The following MIB1 variants were observed in gnomAD, a reference collection of about 807,000 sequenced individuals.
The protein encoded by MIB1 is E3 ubiquitin-protein ligase MIB1.
In MIB1, 278 loss-of-function variants were observed where a neutral mutation model predicts 124.5. That is an observed-to-expected ratio of 2.23 (90% CI 2.02 to 2.47). MIB1 has a LOEUF of 2.47. MIB1 is among the 30% of genes most tolerant of loss of function. MIB1 has a pLI of 0.00. For missense variants in MIB1, 957 were observed against 1,254.4 expected, an observed-to-expected ratio of 0.76 and a Z score of 3.58; for synonymous variants, 446 against 429.4, an observed-to-expected ratio of 1.04 and a Z score of -0.48.
chr18:21,849,955 C>T (rs1598641918), intron 17 of MIB1, among the ~76,000 whole-genome samples: 1 of 152,212 alleles, frequency 6.6e-6, no homozygotes, highest in Non-Finnish European at 1.5e-5. Context: ...ATAGTTTGAT[C>T]AGGGTCAGCT....
At chr18:21,813,032 A>G (rs1452858897) in intron 10 of MIB1, among the ~76,000 whole-genome samples, 1 of 152,258 alleles carries the variant, frequency 6.6e-6, no homozygotes, top group African/African-American at 2.4e-5. Context: ...CATAATTTAA[A>G]AATTATTCTT....
At chr18:21,761,948 CCA>C (rs56291753) in intron 1 of MIB1, among the ~76,000 whole-genome samples, 103,227 of 151,848 alleles carry the variant, frequency 0.68, 35,535 homozygotes, top group East Asian at 0.9. Context: ...CTGGAAACCC[CCA>C]CCAAACTGCT....
chr18:21,750,764 A>G (rs2040965909), intron 1 of MIB1, among the ~76,000 whole-genome samples: 1 of 151,812 alleles, frequency 6.6e-6, no homozygotes, highest in Non-Finnish European at 1.5e-5. Flanking sequence ...GCGCCCGGCC[A>G]TCTCCTGCCC....
chr18:21,844,218 A>T lies in MIB1; in HGVS notation c.2176A>T (p.Lys726Ter). The change falls in exon 15 of 21, where the codon AAG becomes TAG. Residue 726 changes from lysine (K) to a stop codon, truncating the protein, a stop_gained. Transcript: ENST00000261537. LOFTEE classifies it high-confidence loss of function. ...GCTCCAAGATATGCAAGATGTGGGG[A>T]AGGTGGATGCTGCCTGGGAGCCATC... is the stretch of plus-strand genomic sequence containing the variant. ...RQLQDMQDVGKVDAAWEPSKN... is the reference protein window; with the variant it reads ...RQLQDMQDVG 6.2e-7 allele frequency: 1 copy of T among 1,614,136 alleles called. No individual in the cohort carries two copies. Among genetic ancestry groups the T allele is most frequent in the South Asian group, 1.1e-5 (1 of 91,076 alleles).
In MIB1 at chr18:21,858,546, C is replaced by G. The variant is rs2042247126; in HGVS notation, c.2780C>G (p.Ser927Ter). The G allele has an allele frequency of 7.1e-7, 1 of 1,416,500 alleles. No individual in the cohort carries two copies. The highest frequency in any genetic ancestry group is 2.3e-5 in the East Asian group (1 of 43,820). 87.7% of individuals were successfully genotyped at this position (1,416,500 alleles called of 1,614,324 possible). A position where few individuals can be genotyped will look rare whatever the true frequency, so the allele number is the denominator to read the frequency against. Residue 927 changes from serine to a stop codon, truncating the protein, a stop_gained and splice_region_variant, in exon 20 of 21, where the codon TCA becomes TGA. Transcript: ENST00000261537. LOFTEE classifies it high-confidence loss of function. ...KSSEDATDDISSGNIPVLQKD... is the reference protein window; with the variant it reads ...KSSEDATDDI ...AAATCTTTTTAAATCTATATTATAGCAAGTGGGAATATTCCAGTATTACAA... is the reference window on the plus strand; with the variant it reads ...AAATCTTTTTAAATCTATATTATAGGAAGTGGGAATATTCCAGTATTACAA...
chr18:21,753,377 G>A (rs1190642584), intron 1 of MIB1, among the ~76,000 whole-genome samples: 2 of 151,700 alleles, frequency 1.3e-5, no homozygotes, highest in African/African-American at 2.4e-5. Context: ...TAGTAGAGAC[G>A]GGGTTTCACC....
At chr18:21,719,763 T>A (rs2040706443) in intron 1 of MIB1, among the ~76,000 whole-genome samples, 1 of 152,094 alleles carries the variant, frequency 6.6e-6, no homozygotes, top group Admixed American at 6.6e-5. Context: ...GGCCCTTTTT[T>A]ACTTTTTTCT....
intron 4 of MIB1, among the ~76,000 whole-genome samples, 190 bp from the exon 5 acceptor site, chr18:21,777,913 T>A (rs907217497): frequency 6.6e-6 from 1 of 152,206 alleles, no homozygotes; most frequent in Non-Finnish European, 1.5e-5. Context: ...AAATAAAATA[T>A]GACCTATCTG....
intron 7 of MIB1, among the ~76,000 whole-genome samples, chr18:21,796,534 G>C (rs1226188028): frequency 6.6e-6 from 1 of 152,070 alleles, no homozygotes; most frequent in Non-Finnish European, 1.5e-5. Context: ...TGCACTTTCT[G>C]CACATGTATC....
At chr18:21,840,900 G>T (rs1243166366) in intron 13 of MIB1, among the ~76,000 whole-genome samples, 1 of 151,672 alleles carries the variant, frequency 6.6e-6, no homozygotes, top group Non-Finnish European at 1.5e-5. Context: ...GTGCACAAAG[G>T]TTTTTAGGAG....
intron 17 of MIB1, among the ~76,000 whole-genome samples, chr18:21,851,137 A>G (rs1337477200): frequency 4.6e-5 from 7 of 152,166 alleles, no homozygotes; most frequent in Non-Finnish European, 2.9e-5. Context: ...AGTCTCAGCT[A>G]TGAAGTTATT....
intron 14 of MIB1, 143 bp from the exon 15 acceptor site, chr18:21,843,949 G>A: frequency 1.4e-6 from 1 of 703,508 alleles, no homozygotes; most frequent in Non-Finnish European, 2.3e-6. Flanking sequence ...TTGGAGAAGA[G>A]TAGAAGGCAA....
In MIB1 at chr18:21,844,219, AG is replaced by A; in HGVS notation, c.2179del (p.Val727TrpfsTer12). The stretch of plus-strand genomic sequence containing the variant: ...CTCCAAGATATGCAAGATGTGGGGA[AG>A]GTGGATGCTGCCTGGGAGCCATCCA... ...RQLQDMQDVG[K>X]VDAAWEPSKN... On this transcript the variant is annotated frameshift_variant, in exon 15 of 21. Coordinates refer to ENST00000261537, the MANE Select transcript of MIB1 (RefSeq NM_020774.4). LOFTEE classifies it high-confidence loss of function. 1 of 1,614,194 alleles carries A rather than the reference AG, an allele frequency of 6.2e-7. No homozygotes were observed. The highest frequency in any genetic ancestry group is 8.5e-7 in the Non-Finnish European group (1 of 1,180,026).
chr18:21,847,049 G>A lies in MIB1; in HGVS notation c.2317G>A (p.Gly773Ser), dbSNP rs891129569. ...TGACCTGAGCATTCGAAATAAGAAG[G>A]GTCAATCGCCACTTGATCTCTGTCC... ...GADLSIRNKKGQSPLDLCPDP... is the reference protein window; with the variant it reads ...GADLSIRNKKSQSPLDLCPDP... Residue 773 changes from glycine (G) to serine (S), a missense_variant, in exon 16 of 21, where the codon GGT becomes AGT. Coordinates refer to ENST00000261537, the MANE Select transcript of MIB1 (RefSeq NM_020774.4). The A allele has an allele frequency of 6.2e-7, 1 of 1,614,038 alleles. No homozygotes were observed. The highest frequency in any genetic ancestry group is 8.5e-7 in the Non-Finnish European group (1 of 1,180,016).
At chr18:21,847,936 C>T (rs908017778) in intron 16 of MIB1, among the ~76,000 whole-genome samples, 10 of 152,108 alleles carry the variant, frequency 6.6e-5, no homozygotes, top group African/African-American at 2.4e-4. Flanking sequence ...TAAATCTGAA[C>T]AGTGCTGTGC....
At chr18:21,792,228 C>T (rs895811830) in intron 7 of MIB1, among the ~76,000 whole-genome samples, 6 of 152,178 alleles carry the variant, frequency 3.9e-5, no homozygotes, top group South Asian at 4.2e-4. Flanking sequence ...CTCCACCTTG[C>T]GTACTCCCAT....
At chr18:21,717,184 G>A (rs1174445982) in intron 1 of MIB1, among the ~76,000 whole-genome samples, 1 of 152,014 alleles carries the variant, frequency 6.6e-6, no homozygotes, top group African/African-American at 2.4e-5. Flanking sequence ...ATGGTGCAGG[G>A]TAGCCAAATG....
intron 1 of MIB1, among the ~76,000 whole-genome samples, chr18:21,751,265 GTTA>G (rs1055842333): frequency 6.6e-6 from 1 of 151,950 alleles, no homozygotes; most frequent in African/African-American, 2.4e-5. Flanking sequence ...AAACGTCACA[GTTA>G]TTATTATTAT....
chr18:21,797,244 A>T (rs745960230), intron 7 of MIB1, among the ~76,000 whole-genome samples: 2 of 152,136 alleles, frequency 1.3e-5, no homozygotes, highest in Non-Finnish European at 2.9e-5. Context: ...AGGAAACAAG[A>T]TTAGCCATGA....
Sources: gnomAD v4.1 joint callset for allele counts (sites outside exome capture counted in the v4.1 genomes callset) on GRCh38, gnomAD v4.1.1 for gene constraint, MANE v1.5 for transcripts, NCBI Gene and HGNC (gene_info 2026-07-23, HGNC 2026-07-21) for gene names.